Variants in GALNTL6 observed in about 807,000 individuals in gnomAD.
The protein encoded by GALNTL6 is polypeptide N-acetylgalactosaminyltransferase-like 6.
Under a neutral mutation model 73.7 loss-of-function variants are expected in GALNTL6, and 46 were observed. That is an observed-to-expected ratio of 0.62 (90% CI 0.49 to 0.80). The LOEUF (loss-of-function observed/expected upper bound fraction) is 0.80, where lower values mean the gene tolerates loss of function less well. Ranked by LOEUF, GALNTL6 falls within the 30% of genes least tolerant of loss-of-function variation. GALNTL6 has a pLI of 0.00. For missense variants in GALNTL6, 604 were observed against 755.0 expected (o/e 0.80, Z 2.34); for synonymous variants, 259 against 263.7 (o/e 0.98, Z 0.17).
At chr4:172,597,336 T>A (rs1737892581) in intron 5 of GALNTL6, among the ~76,000 whole-genome samples, 1 of 152,188 alleles carries the variant, frequency 6.6e-6, no homozygotes, top group Non-Finnish European at 1.5e-5. Flanking sequence ...TAGTGGAGCC[T>A]GTGATATGAT....
chr4:172,007,406 G>A (rs1740873681), intron 2 of GALNTL6, among the ~76,000 whole-genome samples: 1 of 151,938 alleles, frequency 6.6e-6, no homozygotes, highest in Non-Finnish European at 1.5e-5. Flanking sequence ...ATCAGGACCA[G>A]TATGAATAAG....
At position 172,302,585 on chromosome 4, in the gene GALNTL6, T is replaced by G. The variant is rs1295576573; in HGVS notation, c.248-9029T>G. ...AGAGGCATAAATCTGTGGCATTCCTTTCTCACAATGCTCTTACCTGGCTTT... is the reference window on the plus strand; with the variant it reads ...AGAGGCATAAATCTGTGGCATTCCTGTCTCACAATGCTCTTACCTGGCTTT... On this transcript the variant is annotated intron_variant, in intron 3 of 12. Coordinates refer to ENST00000506823, the MANE Select transcript of GALNTL6 (RefSeq NM_001034845.3). Among the ~76,000 whole-genome samples the G allele has an allele frequency of 2.6e-5, 4 of 152,288 alleles. No individual in the cohort carries two copies. In the South Asian group the frequency reaches 6.2e-4, roughly 24 times the overall value.
At chr4:172,307,606 A>C (rs1196537341) in intron 3 of GALNTL6, among the ~76,000 whole-genome samples, 1 of 152,174 alleles carries the variant, frequency 6.6e-6, no homozygotes, top group African/African-American at 2.4e-5. Flanking sequence ...GATTTGTTGA[A>C]TAGGATGTCC....
intron 5 of GALNTL6, among the ~76,000 whole-genome samples, chr4:172,392,246 C>T (rs1743688664): frequency 6.6e-6 from 1 of 152,070 alleles, no homozygotes; most frequent in Admixed American, 6.6e-5. Context: ...GCCTTGACCT[C>T]CCAAAATGCT....
intron 2 of GALNTL6, among the ~76,000 whole-genome samples, chr4:171,993,323 AT>A (rs973744662): frequency 6.6e-5 from 10 of 151,560 alleles, no homozygotes; most frequent in Non-Finnish European, 1.0e-4. Context: ...GATAAGTGAT[AT>A]TTTTTCTGTG....
At chr4:172,640,547 G>A (rs994423956) in intron 5 of GALNTL6, among the ~76,000 whole-genome samples, 1 of 152,106 alleles carries the variant, frequency 6.6e-6, no homozygotes, top group South Asian at 2.1e-4. Context: ...GGTCACCAGA[G>A]CTGGTTTCTC....
intron 5 of GALNTL6, among the ~76,000 whole-genome samples, chr4:172,808,103 A>G (rs1409883480): frequency 2.6e-5 from 4 of 152,222 alleles, no homozygotes; most frequent in Non-Finnish European, 4.4e-5. Flanking sequence ...GATTACAGGC[A>G]TGAGCCACCA....
chr4:172,772,376 C>G (rs748403561), intron 5 of GALNTL6, among the ~76,000 whole-genome samples: 1 of 152,104 alleles, frequency 6.6e-6, no homozygotes, highest in African/African-American at 2.4e-5. Context: ...AGAGATGTAA[C>G]TGTTTGGTTT....
chr4:171,861,772 T>C (rs1300150173), intron 2 of GALNTL6, among the ~76,000 whole-genome samples: 2 of 152,170 alleles, frequency 1.3e-5, no homozygotes, highest in Non-Finnish European at 2.9e-5. Flanking sequence ...ACAAATATCA[T>C]TTGTTTGTGT....
chr4:171,994,468 A>T (rs539491063), intron 2 of GALNTL6, among the ~76,000 whole-genome samples: 1 of 152,232 alleles, frequency 6.6e-6, no homozygotes, highest in African/African-American at 2.4e-5. Context: ...CACGCATATT[A>T]AAAAACACTT....
At chr4:172,390,620 A>G (rs573508760) in intron 5 of GALNTL6, among the ~76,000 whole-genome samples, 1 of 152,330 alleles carries the variant, frequency 6.6e-6, no homozygotes, top group African/African-American at 2.4e-5. Context: ...AGCATAGTTT[A>G]TACAAAATTC....
At chr4:171,993,411 GC>G (rs928109945) in intron 2 of GALNTL6, among the ~76,000 whole-genome samples, 2 of 151,346 alleles carry the variant, frequency 1.3e-5, no homozygotes, top group South Asian at 2.1e-4. Context: ...AGAACTTCCT[GC>G]CAGGCAATGG....
intron 4 of GALNTL6, among the ~76,000 whole-genome samples, chr4:172,331,043 A>G (rs893619371): frequency 3.9e-5 from 6 of 152,046 alleles, no homozygotes; most frequent in East Asian, 1.9e-4. Flanking sequence ...ATTTTTCATT[A>G]TCTTCTTGAA....
intron 2 of GALNTL6, among the ~76,000 whole-genome samples, chr4:172,228,150 AT>A (rs1346629898): frequency 6.6e-6 from 1 of 152,062 alleles, no homozygotes; most frequent in Non-Finnish European, 1.5e-5. Flanking sequence ...AAAATGTTTG[AT>A]TTTTTTAAAT....
intron 2 of GALNTL6, among the ~76,000 whole-genome samples, chr4:172,158,446 TG>T (rs1734353276): frequency 6.6e-6 from 1 of 152,150 alleles, no homozygotes; most frequent in African/African-American, 2.4e-5. Flanking sequence ...AACTTTTCCC[TG>T]ACTTTTCCAT....
chr4:172,386,696 C>A (rs1475215865), intron 5 of GALNTL6, among the ~76,000 whole-genome samples: 1 of 152,046 alleles, frequency 6.6e-6, no homozygotes, highest in African/African-American at 2.4e-5. Flanking sequence ...TTTCAGAGTC[C>A]AAAGGCTGGA....
chr4:172,153,827 A>T (rs968138037), intron 2 of GALNTL6, among the ~76,000 whole-genome samples: 4 of 152,198 alleles, frequency 2.6e-5, no homozygotes. Context: ...ATGACCTAGG[A>T]ATTAAACCTA....
intron 2 of GALNTL6, among the ~76,000 whole-genome samples, chr4:172,057,717 AAAAAAAAAAAATAT>A (rs1159612944): frequency 7.4e-4 from 59 of 80,242 alleles, no homozygotes; most frequent in East Asian, 6.5e-3. Flanking sequence ...AAAAAAAAAA[AAAAAAAAAAAATAT>A]ATATATATAT....
At chr4:172,217,750 A>G (rs974462005) in intron 2 of GALNTL6, among the ~76,000 whole-genome samples, 1 of 152,128 alleles carries the variant, frequency 6.6e-6, no homozygotes, top group Non-Finnish European at 1.5e-5. Context: ...ATTTTGTCCT[A>G]TATGAATATA....
Sources: allele counts gnomAD v4.1 joint callset (sites outside exome capture counted in the v4.1 genomes callset), GRCh38; gene constraint gnomAD v4.1.1; transcripts MANE v1.5; gene names NCBI Gene and HGNC (gene_info 2026-07-23, HGNC 2026-07-21).